Variants in SNTG1 observed in about 807,000 individuals in gnomAD.
The protein encoded by SNTG1 is gamma-1-syntrophin.
SNTG1 carries 39 observed loss-of-function variants against 74.7 expected under a neutral mutation model. That is an observed-to-expected ratio of 0.52 (90% CI 0.40 to 0.68). The LOEUF (loss-of-function observed/expected upper bound fraction) is 0.68, where lower values mean the gene tolerates loss of function less well. SNTG1 is among the 30% of genes least tolerant of loss of function. The pLI, the probability that SNTG1 is intolerant of heterozygous loss-of-function variation, is 0.00. For synonymous variants in SNTG1, 254 were observed against 217.1 expected, an observed-to-expected ratio of 1.17 and a Z score of -1.49; for missense variants, 685 against 609.5, an observed-to-expected ratio of 1.12 and a Z score of -1.30.
At chr8:50,086,290 G>C (rs1822879247) in intron 1 of SNTG1, among the ~76,000 whole-genome samples, 1 of 152,170 alleles carries the variant, frequency 6.6e-6, no homozygotes, top group South Asian at 2.1e-4. Context: ...TCTGATGGAA[G>C]TGTGGAGACA....
chr8:50,614,470 A>G (rs2094872885), intron 13 of SNTG1, among the ~76,000 whole-genome samples: 1 of 149,482 alleles, frequency 6.7e-6, no homozygotes, highest in Non-Finnish European at 1.5e-5. Context: ...TACTTTATCT[A>G]AAAAAAAGAA....
In SNTG1 at chr8:50,434,199, T is replaced by C. The variant is rs191302735; in HGVS notation, c.163-4344T>C. Among the ~76,000 whole-genome samples the C allele has an allele frequency of 5.6e-4, 86 of 152,290 alleles. No individual in the cohort carries two copies. In the East Asian group the frequency reaches 0.016, roughly 28 times the overall value. The stretch of plus-strand genomic sequence containing the variant: ...ATGATGGTTTCCAGCTTTATCCATT[T>C]CCCTACAAAGGACATGAACTCATCC... On this transcript the variant is annotated intron_variant, in intron 4 of 18. Coordinates refer to ENST00000642720, the MANE Select transcript of SNTG1 (RefSeq NM_018967.5).
chr8:50,128,084 TAA>T (rs1190099704), intron 1 of SNTG1, among the ~76,000 whole-genome samples: 1 of 152,160 alleles, frequency 6.6e-6, no homozygotes, highest in East Asian at 1.9e-4. Context: ...CACTGCATAT[TAA>T]GTTTCTAATG....
chr8:50,620,722 G>T (rs2094917331), intron 13 of SNTG1, among the ~76,000 whole-genome samples: 9 of 152,198 alleles, frequency 5.9e-5, no homozygotes, highest in Admixed American at 5.9e-4. Flanking sequence ...ATGTGGAGGA[G>T]ACTGGGTAGC....
Position 50,468,957 on chromosome 8 carries a change from T to G in SNTG1, c.363+18228T>G, listed in dbSNP as rs183336779. Among the ~76,000 whole-genome samples, 258 of 152,324 alleles carry G rather than the reference T, an allele frequency of 1.7e-3. 3 individuals carry two copies. Among genetic ancestry groups the G allele is most frequent in the African/African-American group, 5.5e-3 (228 of 41,582 alleles). On this transcript the variant is annotated intron_variant, in intron 8 of 18. Transcript: ENST00000642720. ...CTCTTATGACATTACTATAATTTAT[T>G]TTACTTATCCATAATCTTTAATCAC...
chr8:50,187,748 A>G lies in SNTG1; in HGVS notation c.-28+15113A>G, dbSNP rs149732095. ...GCCATGATATTTGAAAGGGCATTTT[A>G]TTAGTTCATGGATGGTAATTTTGCA... On this transcript the variant is annotated intron_variant, in intron 2 of 18. Coordinates refer to ENST00000642720, the MANE Select transcript of SNTG1 (RefSeq NM_018967.5). 3.8e-3 allele frequency among the ~76,000 whole-genome samples: 580 copies of G among 152,328 alleles called. 3 individuals are homozygous for G. The highest frequency in any genetic ancestry group is 5.9e-3 in the Non-Finnish European group (401 of 68,030).
intron 15 of SNTG1, among the ~76,000 whole-genome samples, chr8:50,699,147 C>CT (rs1554615424): frequency 4.0e-5 from 6 of 151,434 alleles, no homozygotes; most frequent in East Asian, 1.9e-4. Context: ...GTACCCTGTG[C>CT]TTTTTTTTAA....
chr8:50,707,472 A>C (rs2095447160), intron 16 of SNTG1, among the ~76,000 whole-genome samples: 1 of 152,164 alleles, frequency 6.6e-6, no homozygotes, highest in Non-Finnish European at 1.5e-5. Flanking sequence ...TTTTAAAAAA[A>C]TGTAACTCTA....
chr8:50,780,802 T>C (rs1585779065), intron 18 of SNTG1, among the ~76,000 whole-genome samples: 2 of 152,302 alleles, frequency 1.3e-5, no homozygotes, highest in Middle Eastern at 6.8e-3. Flanking sequence ...TGTTAGGGTG[T>C]CAATTTTGGA....
In SNTG1 at chr8:50,794,150, A is replaced by G. The variant is rs1262501971; in HGVS notation, c.*1321A>G. On this transcript the variant is annotated 3_prime_UTR_variant, in exon 19 of 19. Transcript: ENST00000642720. ...AAAAAAAAAATTTTTATTGATACAC[A>G]TGCTCCCAGGTAAACCAAGTATTAT... is the stretch of plus-strand genomic sequence containing the variant. The G allele has an allele frequency of 6.6e-6, 1 of 151,824 alleles. No individual in the cohort carries two copies. Among genetic ancestry groups the G allele is most frequent in the African/African-American group, 2.4e-5 (1 of 41,402 alleles). The allele number at this position is 151,824 out of a possible 1,614,324, so 9.4% of individuals were successfully genotyped here.
At chr8:50,582,639 A>G (rs990370084) in intron 12 of SNTG1, among the ~76,000 whole-genome samples, 2 of 152,156 alleles carry the variant, frequency 1.3e-5, no homozygotes, top group Non-Finnish European at 2.9e-5. Flanking sequence ...AAAATATTCC[A>G]ATACAATTCT....
chr8:49,934,076 G>T (rs1329137760), intron 1 of SNTG1, among the ~76,000 whole-genome samples: 1 of 152,182 alleles, frequency 6.6e-6, no homozygotes, highest in East Asian at 1.9e-4. Context: ...TCTGTGAGAT[G>T]AGTGTGTGGA....
At chr8:49,945,914 G>A (rs1809142670) in intron 1 of SNTG1, among the ~76,000 whole-genome samples, 1 of 152,208 alleles carries the variant, frequency 6.6e-6, no homozygotes, top group African/African-American at 2.4e-5. Context: ...CGTCATCGCT[G>A]TATGAAAGCA....
intron 15 of SNTG1, among the ~76,000 whole-genome samples, chr8:50,670,612 A>T (rs1409779905): frequency 7.0e-6 from 1 of 143,590 alleles, no homozygotes; most frequent in African/African-American, 2.6e-5. Context: ...AAATGGCCAT[A>T]CTGCCCAAGG....
At chr8:50,517,376 A>G (rs924595580) in intron 9 of SNTG1, among the ~76,000 whole-genome samples, 25 of 152,102 alleles carry the variant, frequency 1.6e-4, no homozygotes, top group African/African-American at 6.0e-4. Context: ...GCCATTAACA[A>G]GCTGTCAAAT....
At chr8:50,138,080 G>A (rs970078072) in intron 1 of SNTG1, among the ~76,000 whole-genome samples, 1 of 152,016 alleles carries the variant, frequency 6.6e-6, no homozygotes, top group Non-Finnish European at 1.5e-5. Flanking sequence ...ATCTAGTGGA[G>A]GAATAAGTTT....
chr8:50,156,686 C>T (rs947025576), intron 1 of SNTG1, among the ~76,000 whole-genome samples: 1 of 151,886 alleles, frequency 6.6e-6, no homozygotes, highest in African/African-American at 2.4e-5. Flanking sequence ...ACAAATCAGC[C>T]CATTAAAAAT....
intron 9 of SNTG1, among the ~76,000 whole-genome samples, chr8:50,521,665 T>G (rs1047504369): frequency 6.6e-6 from 1 of 152,184 alleles, no homozygotes; most frequent in African/African-American, 2.4e-5. Context: ...TATTAGAACT[T>G]CCTTCAAAAT....
At chr8:50,481,045 ACCCACAAAACAAGGCAGTAATAGTT>A (rs1255137759) in intron 8 of SNTG1, among the ~76,000 whole-genome samples, 2 of 152,214 alleles carry the variant, frequency 1.3e-5, no homozygotes, top group Non-Finnish European at 2.9e-5. Context: ...AGGTGGCAGC[ACCCACAAAACAAGGCAGTAATAGTT>A]TGAAGGCAAA....
Sources: allele counts gnomAD v4.1 joint callset (sites outside exome capture counted in the v4.1 genomes callset), GRCh38; gene constraint gnomAD v4.1.1; transcripts MANE v1.5; gene names NCBI Gene and HGNC (gene_info 2026-07-23, HGNC 2026-07-21).